The following WARS2 variants were observed in gnomAD, a reference collection of about 807,000 sequenced individuals.
WARS2 encodes the protein tryptophan--tRNA ligase, mitochondrial.
WARS2 carries 28 observed loss-of-function variants against 36.5 expected under a neutral mutation model. That is an observed-to-expected ratio of 0.77 (90% CI 0.57 to 1.05). The LOEUF (loss-of-function observed/expected upper bound fraction) is 1.05, where lower values mean the gene tolerates loss of function less well. Among genes scored for constraint, WARS2 ranks in the 50% least tolerant of loss-of-function variants. The probability of loss-of-function intolerance (pLI) is 0.00; values close to 1 mark genes in which losing one functional copy is unlikely to be tolerated. For missense variants in WARS2, 435 were observed against 456.8 expected, an observed-to-expected ratio of 0.95 and a Z score of 0.44; for synonymous variants, 174 against 178.4, an observed-to-expected ratio of 0.98 and a Z score of 0.20.
chr1:119,131,973 G>A (rs975481666), intron 1 of WARS2, among the ~76,000 whole-genome samples: 1 of 152,054 alleles, frequency 6.6e-6, no homozygotes, highest in Non-Finnish European at 1.5e-5. Context: ...AGAGAGAAAG[G>A]TTGTTGGATA....
intron 1 of WARS2, 119 bp from the exon 2 acceptor site, chr1:119,076,726 T>A: frequency 1.4e-6 from 2 of 1,410,980 alleles, no homozygotes; most frequent in Non-Finnish European, 9.6e-7. Context: ...CTGACAGTCA[T>A]CATCATCCAT....
At chr1:119,133,721 C>G (rs1656265129) in intron 1 of WARS2, among the ~76,000 whole-genome samples, 1 of 152,074 alleles carries the variant, frequency 6.6e-6, no homozygotes, top group South Asian at 2.1e-4. Flanking sequence ...ACTATCAGAC[C>G]AGGGCCCAAA....
chr1:119,057,011 C>T (rs1649875081), intron 2 of WARS2, among the ~76,000 whole-genome samples: 1 of 152,134 alleles, frequency 6.6e-6, no homozygotes, highest in African/African-American at 2.4e-5. Flanking sequence ...CCCAGTTTCT[C>T]AACATACTTA....
intron 1 of WARS2, among the ~76,000 whole-genome samples, chr1:119,096,980 T>C (rs1393641113): frequency 6.6e-6 from 1 of 152,168 alleles, no homozygotes; most frequent in Non-Finnish European, 1.5e-5. Context: ...TGGACATTTT[T>C]GGGAAAAATA....
At chr1:119,089,982 G>A (rs1652929212) in intron 1 of WARS2, among the ~76,000 whole-genome samples, 1 of 152,158 alleles carries the variant, frequency 6.6e-6, no homozygotes, top group African/African-American at 2.4e-5. Context: ...TCAGGTTGGA[G>A]AGGGAGAGCA....
chr1:119,069,207 G>GA (rs1016642188), intron 2 of WARS2, among the ~76,000 whole-genome samples: 34 of 151,972 alleles, frequency 2.2e-4, no homozygotes, highest in African/African-American at 7.5e-4. Flanking sequence ...GAATATAGCT[G>GA]AAAAAATCAC....
At chr1:119,042,113 T>C (rs1648417844) in intron 4 of WARS2, 151 bp downstream of exon 4, 1 of 587,110 alleles carries the variant, frequency 1.7e-6, no homozygotes, top group Admixed American at 2.9e-5. Context: ...TTCTATAATG[T>C]AGTATTTCTG....
chr1:119,103,203 T>C (rs1489446450), intron 1 of WARS2, among the ~76,000 whole-genome samples: 7 of 152,304 alleles, frequency 4.6e-5, no homozygotes, highest in African/African-American at 1.7e-4. Flanking sequence ...GTTGGTTGTT[T>C]TGGTTTTTGT....
At chr1:119,082,373 C>G (rs10802074) in intron 1 of WARS2, 413,388 of 985,054 alleles carry the variant, frequency 0.42, 88,912 homozygotes, top group African/African-American at 0.66. Flanking sequence ...TGCTTTTGCA[C>G]ATGTATTTTC....
chr1:119,128,238 G>C (rs961656690), intron 1 of WARS2, among the ~76,000 whole-genome samples: 1 of 151,888 alleles, frequency 6.6e-6, no homozygotes, highest in African/African-American at 2.4e-5. Flanking sequence ...CCACTGGCCT[G>C]TAATTTTTGT....
intron 1 of WARS2, among the ~76,000 whole-genome samples, chr1:119,129,831 T>C (rs587623073): frequency 1.3e-5 from 2 of 152,334 alleles, no homozygotes; most frequent in South Asian, 4.1e-4. Flanking sequence ...TAAGCAAGCA[T>C]TGCAATAAAG....
rs1396173042 is a variant in WARS2, at chr1:119,090,171, G to T, written c.91-13564C>A. On this transcript the variant is annotated intron_variant, in intron 1 of 5. Transcript: ENST00000235521. ...TATAAGCAACTAATGTCCATCACTA[G>T]GGGAAATACTAAATAAGTTATAGTT... Among the ~76,000 whole-genome samples the T allele has an allele frequency of 4.6e-5, 7 of 152,010 alleles. No individual in the cohort carries two copies. In the East Asian group the frequency reaches 9.6e-4, roughly 21 times the overall value.
chr1:119,043,916 T>TA (rs1336295583), intron 3 of WARS2, among the ~76,000 whole-genome samples: 1 of 152,164 alleles, frequency 6.6e-6, no homozygotes, highest in Admixed American at 6.5e-5. Context: ...TCTGTGCCAC[T>TA]ATTCCACCTT....
chr1:119,085,265 C>G lies in WARS2; in HGVS notation c.91-8658G>C, dbSNP rs1652541482. On this transcript the variant is annotated intron_variant, in intron 1 of 5. Transcript: ENST00000235521. ...TCAGCTCCCTCTCTCGGTTCTCTGCCCAACCAGAGTAGGCAGTCCTGGCCT... is the reference window on the plus strand; with the variant it reads ...TCAGCTCCCTCTCTCGGTTCTCTGCGCAACCAGAGTAGGCAGTCCTGGCCT... 3.2e-6 allele frequency: 3 copies of G among 943,126 alleles called. No individual in the cohort carries two copies. In the Admixed American group the frequency reaches 5.3e-5, roughly 17 times the overall value. 58.4% of individuals were successfully genotyped at this position (943,126 alleles called of 1,614,324 possible).
chr1:119,033,945 T>C (rs542767453), intron 5 of WARS2, 150 bp downstream of exon 5: 2 of 572,726 alleles, frequency 3.5e-6, no homozygotes, highest in South Asian at 5.0e-5. Context: ...AGTCCTACAC[T>C]AGAGAAAACA....
At chr1:119,132,393 C>A (rs974283534) in intron 1 of WARS2, among the ~76,000 whole-genome samples, 15 of 152,228 alleles carry the variant, frequency 9.9e-5, no homozygotes, top group Admixed American at 3.9e-4. Context: ...TGACTCTCTC[C>A]CCAGGACTGG....
intron 1 of WARS2, among the ~76,000 whole-genome samples, chr1:119,087,133 A>AT: frequency 6.6e-6 from 1 of 152,240 alleles, no homozygotes; most frequent in South Asian, 2.1e-4. Context: ...ATTCTTCATT[A>AT]TTGCACATAT....
chr1:119,056,186 A>ATTTTTT (rs751264352), intron 2 of WARS2, among the ~76,000 whole-genome samples: 1 of 116,174 alleles, frequency 8.6e-6, no homozygotes, highest in African/African-American at 3.3e-5. Flanking sequence ...TGCCTGGCTA[A>ATTTTTT]TTTTTTTTTT....
intron 2 of WARS2, among the ~76,000 whole-genome samples, chr1:119,053,215 A>T (rs546557939): frequency 9.2e-5 from 14 of 152,218 alleles, no homozygotes; most frequent in Admixed American, 3.3e-4. Context: ...ATTTTTTTTT[A>T]AAAAAGAAGA....
Sources: gnomAD v4.1 joint callset for allele counts (sites outside exome capture counted in the v4.1 genomes callset) on GRCh38, gnomAD v4.1.1 for gene constraint, MANE v1.5 for transcripts, NCBI Gene and HGNC (gene_info 2026-07-23, HGNC 2026-07-21) for gene names.